CEP120: variants seen among roughly 807,000 people sequenced by gnomAD.
CEP120 encodes the protein centrosomal protein 120, also known as centrosomal protein of 120 kDa.
In CEP120, 113 loss-of-function variants were observed where a neutral mutation model predicts 126.5. The observed-to-expected ratio is 0.89, with a 90% CI of 0.77 to 1.04. The LOEUF (loss-of-function observed/expected upper bound fraction) is 1.04. Among genes scored for constraint, CEP120 ranks in the 50% least tolerant of loss-of-function variants. CEP120 has a pLI of 0.00. For missense variants in CEP120, 1,230 were observed against 1,155.7 expected (o/e 1.06, Z -0.93); for synonymous variants, 400 against 394.3 (o/e 1.01, Z -0.17).
At chr5:123,407,026 C>T (rs1174468154) in intron 4 of CEP120, among the ~76,000 whole-genome samples, 1 of 150,316 alleles carries the variant, frequency 6.7e-6, no homozygotes, top group Non-Finnish European at 1.5e-5. Context: ...TGAAGCTGGA[C>T]CTTCAAAGTA....
At chr5:123,385,322 G>A (rs1482360440) in intron 10 of CEP120, among the ~76,000 whole-genome samples, 189 bp from the exon 11 acceptor site, 2 of 152,126 alleles carry the variant, frequency 1.3e-5, no homozygotes, top group Non-Finnish European at 2.9e-5. Context: ...TTCCATCAAT[G>A]ATGAACCTCA....
intron 6 of CEP120, 151 bp from the exon 7 acceptor site, chr5:123,391,488 T>TTG (rs1772397433): frequency 1.6e-6 from 1 of 607,864 alleles, no homozygotes; most frequent in African/African-American, 1.9e-5. Context: ...AAGTAATGAA[T>TTG]TCTCACACAT....
In CEP120 at chr5:123,412,494, T is replaced by A. The variant is rs1294049676; in HGVS notation, c.368A>T (p.Lys123Met). 6.2e-7 allele frequency: 1 copy of A among 1,611,770 alleles called. No homozygotes were observed. Among genetic ancestry groups the A allele is most frequent in the Non-Finnish European group, 8.5e-7 (1 of 1,178,862 alleles). Residue 123 changes from lysine to methionine, a missense_variant, in exon 4 of 20, where the codon AAG (lysine) becomes ATG (methionine). Physicochemically the swap from Lys to Met is moderately conservative, Grantham distance 95. Coordinates refer to ENST00000306467, the MANE Select transcript of CEP120 (RefSeq NM_001375405.1). ...AGCAATACTTATCTGTATCTCAGAC[T>A]TGAATTTGGTGTATTTATTACTCAG... The part of the protein sequence containing the change: ...QLLSNKYTKF[K>M]SEIQISIALE...
At chr5:123,373,063 T>C (rs1770959383) in intron 16 of CEP120, among the ~76,000 whole-genome samples, 1 of 152,058 alleles carries the variant, frequency 6.6e-6, no homozygotes. Flanking sequence ...CCTTCAGAAA[T>C]CCTAACACTT....
chr5:123,411,043 G>A (rs549978397), intron 4 of CEP120, among the ~76,000 whole-genome samples: 3 of 152,240 alleles, frequency 2.0e-5, no homozygotes, highest in East Asian at 3.9e-4. Context: ...ACACCTCAAA[G>A]AAGATACACA....
At chr5:123,403,278 G>A (rs889766575) in intron 4 of CEP120, 1 of 456,140 alleles carries the variant, frequency 2.2e-6, no homozygotes. Flanking sequence ...GGGCTCCTTA[G>A]AGAAATGGCT....
Position 123,385,081 on chromosome 5 carries a change from G to C in CEP120, c.1633C>G (p.Leu545Val). Residue 545 changes from leucine (L) to valine (V), a missense_variant, in exon 11 of 20, where the codon CTT becomes GTT. Physicochemically the swap from Leu to Val is conservative, Grantham distance 32. Transcript: ENST00000306467. ...WHKDKMSKDL[L>V]LGIARIQLSN... is the part of the protein sequence containing the mutation. ...AGCTGGATTCTCGCAATTCCCAGAAGTAAATCTTTACTCATTTTATCCTTG... is the reference window on the plus strand; with the variant it reads ...AGCTGGATTCTCGCAATTCCCAGAACTAAATCTTTACTCATTTTATCCTTG... The C allele has an allele frequency of 6.2e-7, 1 of 1,613,690 alleles. No homozygotes were observed. The highest frequency in any genetic ancestry group is 8.5e-7 in the Non-Finnish European group (1 of 1,179,784).
chr5:123,406,096 A>G (rs986702119), intron 4 of CEP120, among the ~76,000 whole-genome samples: 2 of 152,144 alleles, frequency 1.3e-5, no homozygotes, highest in African/African-American at 4.8e-5. Flanking sequence ...TAGGTGGGAC[A>G]CAGGCTGAGG....
At chr5:123,352,817 T>C (rs1206827836) in intron 18 of CEP120, among the ~76,000 whole-genome samples, 1 of 152,070 alleles carries the variant, frequency 6.6e-6, no homozygotes, top group Non-Finnish European at 1.5e-5. Context: ...ATGGTTTACC[T>C]AATTATGTAG....
chr5:123,422,570 G>A, intron 1 of CEP120: 2 of 1,534,472 alleles, frequency 1.3e-6, no homozygotes, highest in Middle Eastern at 1.7e-4. Context: ...TGGAATCGCA[G>A]GAAGCCTGTA....
intron 19 of CEP120, among the ~76,000 whole-genome samples, chr5:123,348,972 T>C (rs1398338654): frequency 6.6e-6 from 1 of 152,162 alleles, no homozygotes; most frequent in Non-Finnish European, 1.5e-5. Context: ...GTGGTATTTT[T>C]TTTTAACCAG....
chr5:123,412,253 A>C, intron 4 of CEP120, 146 bp downstream of exon 4: 1 of 651,952 alleles, frequency 1.5e-6, no homozygotes, highest in Non-Finnish European at 2.4e-6. Context: ...AAGAGCAACA[A>C]GTGCTGCATG....
intron 19 of CEP120, among the ~76,000 whole-genome samples, chr5:123,349,216 C>T (rs926555934): frequency 1.3e-5 from 2 of 152,104 alleles, no homozygotes; most frequent in Non-Finnish European, 2.9e-5. Context: ...TCTCTGGAAT[C>T]GGATCTGAAC....
intron 17 of CEP120, among the ~76,000 whole-genome samples, chr5:123,365,827 G>A (rs1770418365): frequency 6.6e-6 from 1 of 151,266 alleles, no homozygotes; most frequent in East Asian, 1.9e-4. Context: ...AATTATACAA[G>A]CAATCATGTC....
In CEP120 at chr5:123,385,144, G is replaced by C. The variant is rs1771930882; in HGVS notation, c.1581-11C>G. Reference sequence around the variant, plus strand: ...ACCAGTAATGGAATCCTAAGGAAGAGAGAAACATGTGTTCATACCTATCAA... The same window carrying C: ...ACCAGTAATGGAATCCTAAGGAAGACAGAAACATGTGTTCATACCTATCAA... On this transcript the variant is annotated splice_polypyrimidine_tract_variant and intron_variant, in intron 10 of 19. Transcript: ENST00000306467. 4.4e-6 allele frequency: 7 copies of C among 1,604,532 alleles called. No homozygotes were observed. The highest frequency in any genetic ancestry group is 1.7e-5 in the Admixed American group (1 of 58,922).
intron 1 of CEP120, among the ~76,000 whole-genome samples, chr5:123,421,092 C>T (rs984231270): frequency 6.6e-6 from 1 of 152,186 alleles, no homozygotes; most frequent in Non-Finnish European, 1.5e-5. Flanking sequence ...AAACTGAACT[C>T]AAGAAAAGCA....
rs34109692 is a variant in CEP120 at position 123,400,659 on chromosome 5, C to CTT, written c.464-1377_464-1376dup. ...TACATACATATACATATATATATGG[C>CTT]TTTTTTTTTTTTTTTGCAGAGCTAG... On this transcript the variant is annotated intron_variant, in intron 4 of 19. Coordinates refer to ENST00000306467, the MANE Select transcript of CEP120 (RefSeq NM_001375405.1). Among the ~76,000 whole-genome samples the CTT allele has an allele frequency of 3.2e-3, 281 of 88,926 alleles. 14 individuals carry two copies. The highest frequency in any genetic ancestry group is 0.025 in the East Asian group (84 of 3,314). 58.3% of individuals were successfully genotyped at this position (88,926 alleles called of 152,430 possible). A position where few individuals can be genotyped will look rare whatever the true frequency, so the allele number is the denominator to read the frequency against.
chr5:123,421,086 T>C (rs970562991), intron 1 of CEP120, among the ~76,000 whole-genome samples: 3 of 152,212 alleles, frequency 2.0e-5, no homozygotes, highest in Non-Finnish European at 4.4e-5. Flanking sequence ...GCTACTAAAC[T>C]GAACTCAAGA....
At chr5:123,347,414 A>C (rs1768902599) in intron 19 of CEP120, among the ~76,000 whole-genome samples, 1 of 152,150 alleles carries the variant, frequency 6.6e-6, no homozygotes, top group Non-Finnish European at 1.5e-5. Context: ...ATTCCCTACT[A>C]TTATGGAGTT....
Sources: gnomAD v4.1 joint callset for allele counts (sites outside exome capture counted in the v4.1 genomes callset) on GRCh38, gnomAD v4.1.1 for gene constraint, MANE v1.5 for transcripts, NCBI Gene and HGNC (gene_info 2026-07-23, HGNC 2026-07-21) for gene names.